Variants in TEX30 observed in about 807,000 individuals in gnomAD.
The protein encoded by TEX30 is testis expressed 30.
A neutral mutation model predicts 23.8 loss-of-function variants in TEX30; 14 were observed. That is an observed-to-expected ratio of 0.59 (90% confidence interval 0.39 to 0.92). TEX30 has a LOEUF of 0.92. Ranked by LOEUF, TEX30 falls within the 40% of genes least tolerant of loss-of-function variation. The pLI, the probability that TEX30 is intolerant of heterozygous loss-of-function variation, is 0.00. For missense variants in TEX30, 246 were observed against 270.6 expected (o/e 0.91, Z 0.64); for synonymous variants, 78 against 90.2 (o/e 0.87, Z 0.76).
intron 5 of TEX30, among the ~76,000 whole-genome samples, chr13:102,766,906 T>C (rs1000355133): frequency 4.6e-5 from 7 of 152,346 alleles, no homozygotes; most frequent in Non-Finnish European, 8.8e-5. Context: ...ATTGGGCTAA[T>C]ATTTAGTAAT....
At chr13:102,770,331 A>G (rs774614441) in intron 1 of TEX30, 8 of 242,824 alleles carry the variant, frequency 3.3e-5, no homozygotes, top group Non-Finnish European at 4.7e-5. Context: ...AAGGTAATTC[A>G]TATCAAAGTA....
Position 102,767,272 on chromosome 13 carries a change from C to G in TEX30, c.504+1G>C, listed in dbSNP as rs200961378. 146 of 1,611,924 alleles carry G rather than the reference C, an allele frequency of 9.1e-5. 1 individual carries two copies. Among genetic ancestry groups the G allele is most frequent in the Non-Finnish European group, 3.4e-6 (4 of 1,179,142 alleles). ...GACACAAACATTGAGTTATAATTCA[C>G]CTTTTCACACATTTCATCTGCTGAG... On this transcript the variant is annotated splice_donor_variant, in intron 5 of 5. Transcript: ENST00000376032. LOFTEE classifies it high-confidence loss of function.
chr13:102,770,177 A>C, intron 1 of TEX30, 91 bp from the exon 2 acceptor site: 1 of 441,910 alleles, frequency 2.3e-6, no homozygotes. Flanking sequence ...GCTAAAATAA[A>C]CATTTAGAAT....
chr13:102,770,598 T>C (rs993324529), intron 1 of TEX30: 3 of 152,254 alleles, frequency 2.0e-5, no homozygotes, highest in Non-Finnish European at 2.9e-5. Context: ...TTTTAACTAA[T>C]GGAATGTAGG....
At chr13:102,772,208 C>T (rs896978967) in intron 1 of TEX30, among the ~76,000 whole-genome samples, 4 of 151,852 alleles carry the variant, frequency 2.6e-5, no homozygotes, top group African/African-American at 9.7e-5. Context: ...GTGGCGCAAT[C>T]ATAAGCTCAC....
intron 1 of TEX30, among the ~76,000 whole-genome samples, chr13:102,772,583 TTTG>T (rs905953141): frequency 1.3e-5 from 2 of 152,006 alleles, no homozygotes; most frequent in African/African-American, 2.4e-5. Context: ...GTCATCTGGG[TTTG>T]TTTTTTTGAG....
chr13:102,766,532 G>A lies in TEX30; in HGVS notation c.553C>T (p.His185Tyr), dbSNP rs1354012483. 6.2e-7 allele frequency: 1 copy of A among 1,613,150 alleles called. No individual in the cohort carries two copies. Among genetic ancestry groups the A allele is most frequent in the Non-Finnish European group, 8.5e-7 (1 of 1,179,608 alleles). Residue 185 changes from histidine (H) to tyrosine (Y), a missense_variant, in exon 6 of 6, where the codon CAC becomes TAC. Physicochemically the swap from His to Tyr is moderately conservative, Grantham distance 83 (BLOSUM62 2). Coordinates refer to ENST00000376032, the MANE Select transcript of TEX30 (RefSeq NM_138779.5). ...AQKMQAPHKI[H>Y]WIEKANHSMA... ...GAATGATTTGCCTTCTCAATCCAGT[G>A]GATTTTATGGGGAGCTTGCATTTTC...
chr13:102,768,277 G>T lies in TEX30; in HGVS notation c.281C>A (p.Ala94Glu), dbSNP rs199713533. The change falls in exon 4 of 6, where the codon GCA becomes GAA. Residue 94 changes from alanine to glutamate, a missense_variant. By Grantham distance (107) the Ala-to-Glu change is moderately radical. Coordinates refer to ENST00000376032, the MANE Select transcript of TEX30 (RefSeq NM_138779.5). The stretch of plus-strand genomic sequence containing the variant: ...GCACTTACCTCCAAGAAAAACACCT[G>T]CAAGTTTGTATTCTCCTGATGTCTT... ...YLKTSGEYKL[A>E]GVFLGGRSMG... The T allele has an allele frequency of 1.2e-6, 2 of 1,605,028 alleles. No homozygotes were observed. Among genetic ancestry groups the T allele is most frequent in the East Asian group, 2.3e-5 (1 of 44,290 alleles).
chr13:102,766,683 T>A, intron 5 of TEX30, 103 bp from the exon 6 acceptor site: 1 of 1,121,756 alleles, frequency 8.9e-7, no homozygotes, highest in Non-Finnish European at 1.2e-6. Flanking sequence ...AAGTATTCAT[T>A]AAATGCTTTC....
intron 3 of TEX30, among the ~76,000 whole-genome samples, chr13:102,769,033 T>C (rs752100675): frequency 6.6e-6 from 1 of 152,198 alleles, no homozygotes; most frequent in Non-Finnish European, 1.5e-5. Flanking sequence ...GCCAAAATGA[T>C]GTGCTAAAGT....
chr13:102,769,209 G>T, intron 3 of TEX30, 102 bp downstream of exon 3: 2 of 906,950 alleles, frequency 2.2e-6, no homozygotes, highest in Non-Finnish European at 3.2e-6. Flanking sequence ...CTCATTCAAA[G>T]ATTTTTTAAA....
Position 102,766,033 on chromosome 13 carries a change from C to T in TEX30, c.*368G>A, listed in dbSNP as rs949251949. The T allele has an allele frequency of 3.3e-4, 53 of 159,262 alleles. No individual in the cohort carries two copies. Among genetic ancestry groups the T allele is most frequent in the Non-Finnish European group, 3.3e-4 (24 of 72,896 alleles). The allele number at this position is 159,262 out of a possible 1,614,324, so 9.9% of individuals were successfully genotyped here. On this transcript the variant is annotated 3_prime_UTR_variant, in exon 6 of 6. Transcript: ENST00000376032. ...TTCTATAAATCTCTGACTAGATTAA[C>T]CATAATGTTTTCCTTTTCTGAAGAT... is the stretch of plus-strand genomic sequence containing the variant.
At chr13:102,767,740 C>T (rs1877007198) in intron 4 of TEX30, among the ~76,000 whole-genome samples, 1 of 152,022 alleles carries the variant, frequency 6.6e-6, no homozygotes, top group Admixed American at 6.6e-5. Flanking sequence ...TGGCAAAACC[C>T]TATCTCTACT....
intron 4 of TEX30, among the ~76,000 whole-genome samples, chr13:102,768,010 G>A (rs1249816809): frequency 6.6e-6 from 1 of 152,072 alleles, no homozygotes; most frequent in Non-Finnish European, 1.5e-5. Context: ...CATTGTAAAG[G>A]AATCATCATA....
intron 3 of TEX30, among the ~76,000 whole-genome samples, chr13:102,768,962 T>C (rs1316655695): frequency 1.3e-5 from 2 of 152,230 alleles, no homozygotes; most frequent in Non-Finnish European, 2.9e-5. Context: ...CTAAATAACA[T>C]ATACAGAAAA....
chr13:102,769,969 A>G, intron 2 of TEX30, 43 bp downstream of exon 2: 1 of 1,408,338 alleles, frequency 7.1e-7, no homozygotes, highest in African/African-American at 1.5e-5. Flanking sequence ...AAACAAACAA[A>G]AAACCAGGAA....
chr13:102,765,984 A>AGAT lies in TEX30; in HGVS notation c.*414_*416dup, dbSNP rs1409977706. The AGAT allele has an allele frequency of 6.5e-6, 1 of 152,828 alleles. No individual in the cohort carries two copies. The highest frequency in any genetic ancestry group is 1.9e-4 in the East Asian group (1 of 5,208). The allele number at this position is 152,828 out of a possible 1,614,324, so 9.5% of individuals were successfully genotyped here. On this transcript the variant is annotated 3_prime_UTR_variant, in exon 6 of 6. Coordinates refer to ENST00000376032, the MANE Select transcript of TEX30 (RefSeq NM_138779.5). ...TATCCTTTCATTGTGATTTATTAAA[A>AGAT]GATAAGGTGAAGAGATGTGTGCATT...
In TEX30 at chr13:102,766,297, T is replaced by C. The variant is rs1876867066; in HGVS notation, c.*104A>G. 2 of 997,606 alleles carry C rather than the reference T, an allele frequency of 2.0e-6. No individual in the cohort carries two copies. Among genetic ancestry groups the C allele is most frequent in the Non-Finnish European group, 2.8e-6 (2 of 702,208 alleles). 61.8% of individuals were successfully genotyped at this position (997,606 alleles called of 1,614,324 possible). On this transcript the variant is annotated 3_prime_UTR_variant, in exon 6 of 6. Coordinates refer to ENST00000376032, the MANE Select transcript of TEX30 (RefSeq NM_138779.5). ...AACGTGTTTCAAAAATAAGGGAACA[T>C]TAAAGAACATCAAATTAGTCTGAAA... is the stretch of plus-strand genomic sequence containing the variant.
At chr13:102,772,218 C>A (rs531805414) in intron 1 of TEX30, among the ~76,000 whole-genome samples, 2 of 152,100 alleles carry the variant, frequency 1.3e-5, no homozygotes, top group Non-Finnish European at 2.9e-5. Flanking sequence ...CATAAGCTCA[C>A]TGAATCCTCG....
Sources: gnomAD v4.1 joint callset for allele counts (sites outside exome capture counted in the v4.1 genomes callset) on GRCh38, gnomAD v4.1.1 for gene constraint, MANE v1.5 for transcripts, NCBI Gene and HGNC (gene_info 2026-07-23, HGNC 2026-07-21) for gene names.